PHACTR3: variants seen among roughly 807,000 people sequenced by gnomAD.
The protein encoded by PHACTR3 is protein phosphatase 1, regulatory subunit 123.
PHACTR3 carries 16 observed loss-of-function variants against 66.8 expected under a neutral mutation model. That is an observed-to-expected ratio of 0.24 (90% CI 0.16 to 0.36). PHACTR3 has a LOEUF of 0.36. Ranked by LOEUF, PHACTR3 falls within the 10% of genes least tolerant of loss-of-function variation. The pLI is 1.00. For synonymous variants in PHACTR3, 323 were observed against 292.1 expected (o/e 1.11, Z -1.08); for missense variants, 647 against 719.9 (o/e 0.90, Z 1.16).
chr20:59,728,526 T>A (rs1448130581), intron 1 of PHACTR3, among the ~76,000 whole-genome samples: 2 of 152,088 alleles, frequency 1.3e-5, no homozygotes, highest in East Asian at 3.8e-4. Flanking sequence ...CATCGACAGA[T>A]CGATGGATTA....
At chr20:59,612,122 GA>G (rs1172364362) in intron 1 of PHACTR3, among the ~76,000 whole-genome samples, 2 of 152,142 alleles carry the variant, frequency 1.3e-5, no homozygotes, top group Admixed American at 1.3e-4. Context: ...CACAGGAACA[GA>G]GGCAAAAAGA....
rs8120213 is a variant in PHACTR3, at chr20:59,730,531, C to T, written c.119-12576C>T. Among the ~76,000 whole-genome samples the T allele has an allele frequency of 1.5e-3, 225 of 152,116 alleles. 1 individual carries two copies. The highest frequency in any genetic ancestry group is 5.1e-3 in the African/African-American group (213 of 41,498). On this transcript the variant is annotated intron_variant, in intron 1 of 12. Coordinates refer to ENST00000371015, the MANE Select transcript of PHACTR3 (RefSeq NM_080672.5). ...CTTGCGGGGTAGGCAGGAGTGGAAGCGGGAAACCAGGGCAGAGGCTGCAGA... is the reference window on the plus strand; with the variant it reads ...CTTGCGGGGTAGGCAGGAGTGGAAGTGGGAAACCAGGGCAGAGGCTGCAGA...
chr20:59,812,001 A>ACT (rs73625060), intron 8 of PHACTR3, among the ~76,000 whole-genome samples: 11,100 of 152,120 alleles, frequency 0.073, 834 homozygotes, highest in East Asian at 0.39. Context: ...GGCTGGATGC[A>ACT]CTCCTGGGCG....
intron 1 of PHACTR3, among the ~76,000 whole-genome samples, chr20:59,693,464 C>T (rs843818): frequency 6.6e-6 from 1 of 152,144 alleles, no homozygotes; most frequent in Non-Finnish European, 1.5e-5. Context: ...TGTGCTCTCA[C>T]TGAGCTCTGA....
intron 7 of PHACTR3, among the ~76,000 whole-genome samples, chr20:59,779,399 A>G (rs1464342894): frequency 1.3e-5 from 2 of 152,204 alleles, no homozygotes; most frequent in Non-Finnish European, 2.9e-5. Flanking sequence ...CTGTAAGAGT[A>G]TTTTGCTTTG....
At chr20:59,726,773 T>A (rs2038577990) in intron 1 of PHACTR3, among the ~76,000 whole-genome samples, 1 of 152,166 alleles carries the variant, frequency 6.6e-6, no homozygotes, top group Non-Finnish European at 1.5e-5. Context: ...TTTGGATACC[T>A]CCTTTTGGAA....
intron 1 of PHACTR3, among the ~76,000 whole-genome samples, chr20:59,667,315 A>C (rs892276858): frequency 2.0e-5 from 3 of 152,230 alleles, no homozygotes; most frequent in Admixed American, 1.3e-4. Context: ...GGGCTCCCAC[A>C]ATAGGAGTAT....
intron 1 of PHACTR3, among the ~76,000 whole-genome samples, chr20:59,581,881 A>T (rs944315313): frequency 4.5e-5 from 1 of 22,030 alleles, no homozygotes; most frequent in Non-Finnish European, 6.6e-5. Flanking sequence ...ACTCCGTCTC[A>T]AAAAAAAAAA....
intron 1 of PHACTR3, among the ~76,000 whole-genome samples, chr20:59,689,991 G>A (rs2037052150): frequency 6.6e-6 from 1 of 152,130 alleles, no homozygotes; most frequent in Admixed American, 6.5e-5. Context: ...TGGGCGATGG[G>A]AGTGATCATT....
chr20:59,808,415 G>C (rs1188027233), intron 8 of PHACTR3, among the ~76,000 whole-genome samples: 1 of 152,214 alleles, frequency 6.6e-6, no homozygotes, highest in Non-Finnish European at 1.5e-5. Flanking sequence ...TTCTGATAAA[G>C]CTCAGGTGCA....
At position 59,738,897 on chromosome 20, in the gene PHACTR3, C is replaced by T. The variant is rs1299988903; in HGVS notation, c.119-4210C>T. Among the ~76,000 whole-genome samples the T allele has an allele frequency of 2.0e-5, 3 of 152,140 alleles. No individual in the cohort carries two copies. The highest frequency in any genetic ancestry group is 1.3e-4 in the Admixed American group (2 of 15,280). On this transcript the variant is annotated intron_variant, in intron 1 of 12. Transcript: ENST00000371015. This position sits in a 1 kb window ranked among gnomAD's most constrained non-coding sequence, Gnocchi z 4.4. ...GGAGGCTTGGGGAGACCTAGCCCAT[C>T]CTTCCCCTCGTGCAAAGCATGCTCA...
chr20:59,752,460 G>A (rs1016714621), intron 3 of PHACTR3, among the ~76,000 whole-genome samples: 25 of 144,122 alleles, frequency 1.7e-4, no homozygotes, highest in Admixed American at 1.7e-3. Context: ...CCCAACCAGC[G>A]TTTCTTAGCA....
At position 59,622,989 on chromosome 20, in the gene PHACTR3, A is replaced by AAAAAAAAAAAAAAAAC. The variant is rs1325417969; in HGVS notation, c.118+17869_118+17870insAAACAAAAAAAAAAAA. On this transcript the variant is annotated intron_variant, in intron 1 of 12. Coordinates refer to ENST00000371015, the MANE Select transcript of PHACTR3 (RefSeq NM_080672.5). ...TTTACAGCAGCTTTAACCAAAAAAA[A>AAAAAAAAAAAAAAAAC]AAAAAAAAAAAACCCAAATCTTCAG... is the stretch of plus-strand genomic sequence containing the variant. Among the ~76,000 whole-genome samples, 4 of 141,468 alleles carry AAAAAAAAAAAAAAAAC rather than the reference A, an allele frequency of 2.8e-5. No individual in the cohort carries two copies. In the Admixed American group the frequency reaches 3.2e-4, roughly 11 times the overall value. 92.8% of individuals were successfully genotyped at this position (141,468 alleles called of 152,430 possible).
At chr20:59,719,310 G>A (rs868641299) in intron 1 of PHACTR3, among the ~76,000 whole-genome samples, 12 of 152,094 alleles carry the variant, frequency 7.9e-5, no homozygotes, top group South Asian at 2.1e-4. Flanking sequence ...GATTACAGGC[G>A]CCTGCCACCA....
At chr20:59,798,497 G>A (rs1216146140) in intron 7 of PHACTR3, among the ~76,000 whole-genome samples, 1 of 152,162 alleles carries the variant, frequency 6.6e-6, no homozygotes, top group African/African-American at 2.4e-5. Flanking sequence ...CAGTGTGTAT[G>A]TGCATGAAGA....
At chr20:59,637,178 T>G (rs2034927908) in intron 1 of PHACTR3, among the ~76,000 whole-genome samples, 1 of 152,194 alleles carries the variant, frequency 6.6e-6, no homozygotes. Flanking sequence ...TTGTTTCCTG[T>G]ATGGGGTCTG....
intron 1 of PHACTR3, among the ~76,000 whole-genome samples, chr20:59,671,705 G>A (rs1033585273): frequency 4.6e-5 from 7 of 152,302 alleles, no homozygotes; most frequent in Admixed American, 1.3e-4. Context: ...GGCTGTCTCC[G>A]GGGCCTGCAC....
rs1253209380 is a variant in PHACTR3 at position 59,841,596 on chromosome 20, A to G, written c.1587+61A>G. On this transcript the variant is annotated intron_variant, in intron 11 of 12. Coordinates refer to ENST00000371015, the MANE Select transcript of PHACTR3 (RefSeq NM_080672.5). ...TGATATAATAAAGGCAAAATATGTC[A>G]TGCCAGGGAGTTTATTCATAGACAA... 15 of 1,540,434 alleles carry G rather than the reference A, an allele frequency of 9.7e-6. No individual in the cohort carries two copies. The East Asian group carries it at 3.5e-4, about 36-fold the overall frequency.
At chr20:59,588,816 A>G (rs767881492) in intron 1 of PHACTR3, among the ~76,000 whole-genome samples, 30 of 152,284 alleles carry the variant, frequency 2.0e-4, no homozygotes, top group African/African-American at 7.0e-4. Flanking sequence ...GACTCAAATG[A>G]TCAAATATAA....
Sources: gnomAD v4.1 joint callset for allele counts (sites outside exome capture counted in the v4.1 genomes callset) on GRCh38, gnomAD v4.1.1 for gene constraint, Gnocchi (gnomAD v3.1) non-coding constraint, MANE v1.5 for transcripts, NCBI Gene and HGNC (gene_info 2026-07-23, HGNC 2026-07-21) for gene names.